ACOT9: variants seen among roughly 807,000 people sequenced by gnomAD.
ACOT9 encodes acyl-CoA thioesterase 9.
In ACOT9, 34 loss-of-function variants were observed where a neutral mutation model predicts 39.7. That is an observed-to-expected ratio of 0.86 (90% CI 0.65 to 1.14). The LOEUF (loss-of-function observed/expected upper bound fraction) is 1.14, where lower values mean the gene tolerates loss of function less well. Among genes scored for constraint, ACOT9 ranks in the 50% most tolerant of loss-of-function variants. The probability of loss-of-function intolerance (pLI) is 0.00; values close to 1 mark genes in which losing one functional copy is unlikely to be tolerated. For missense variants in ACOT9, 313 were observed against 344.1 expected (o/e 0.91, Z 0.71); for synonymous variants, 110 against 120.5 (o/e 0.91, Z 0.57).
At chrX:23,704,928 A>T in intron 14 of ACOT9, 65 bp downstream of exon 14, 1 of 1,173,052 alleles carries the variant, frequency 8.5e-7, no homozygotes, top group African/African-American at 1.8e-5. Flanking sequence ...TGGCTTTTTG[A>T]TATAGAAACT....
chrX:23,704,950 A>G (rs1262726704), intron 14 of ACOT9, 43 bp downstream of exon 14: 2 of 1,181,617 alleles, frequency 1.7e-6, no homozygotes, highest in African/African-American at 1.8e-5. Context: ...CTAGGCTCAA[A>G]TGAAAAAAAA....
rs1364297168 is a variant in ACOT9, at chrX:23,743,196, G to A, written c.-52C>T. 2 of 1,141,114 alleles carry A rather than the reference G, an allele frequency of 1.8e-6. No individual in the cohort carries two copies. Among genetic ancestry groups the A allele is most frequent in the East Asian group, 3.5e-5 (1 of 28,871 alleles). 94.0% of individuals were successfully genotyped at this position (1,141,114 alleles called of 1,213,427 possible). A position where few individuals can be genotyped will look rare whatever the true frequency, so the allele number is the denominator to read the frequency against. On this transcript the variant is annotated 5_prime_UTR_variant, in exon 1 of 16. Coordinates refer to ENST00000379303, the MANE Select transcript of ACOT9 (RefSeq NM_001037171.2). ...GAGAACCGGGCCCCGCGCGCTAGTC[G>A]GCGGAGGGAAACTGAGGCGATAAAA... is the stretch of plus-strand genomic sequence containing the variant.
chrX:23,712,317 A>T lies in ACOT9; in HGVS notation c.662+818T>A, dbSNP rs552146405. Among the ~76,000 whole-genome samples the T allele has an allele frequency of 9.6e-4, 103 of 106,977 alleles. 2 individuals carry two copies. The highest frequency in any genetic ancestry group is 3.5e-3 in the African/African-American group (101 of 29,265). 92.9% of individuals were successfully genotyped at this position (106,977 alleles called of 115,157 possible). Reference sequence around the variant, plus strand: ...TTACTCAGGAGGCTGAGGCAGGAGAATCGCTCAAACCCAGGAGGCGGAGGT... The same window carrying T: ...TTACTCAGGAGGCTGAGGCAGGAGATTCGCTCAAACCCAGGAGGCGGAGGT... On this transcript the variant is annotated intron_variant, in intron 9 of 15. Coordinates refer to ENST00000379303, the MANE Select transcript of ACOT9 (RefSeq NM_001037171.2).
intron 8 of ACOT9, among the ~76,000 whole-genome samples, chrX:23,716,793 C>A (rs1336996191): frequency 9.1e-6 from 1 of 110,483 alleles, no homozygotes; most frequent in African/African-American, 3.3e-5. Context: ...CTCAAGCGAT[C>A]CTCCCACCTC....
chrX:23,742,213 T>TGAGAGAGAGAGAGAGAGA (rs1190609377), intron 1 of ACOT9, among the ~76,000 whole-genome samples: 3 of 68,874 alleles, frequency 4.4e-5, no homozygotes, highest in Admixed American at 3.5e-4. Context: ...AGTGAGTGAG[T>TGAGAGAGAGAGAGAGAGA]GAGAGAGAGA....
chrX:23,742,659 A>G (rs952872917), intron 1 of ACOT9, among the ~76,000 whole-genome samples: 2 of 111,607 alleles, frequency 1.8e-5, no homozygotes, highest in African/African-American at 6.5e-5. Flanking sequence ...GGTACCCTGT[A>G]ATCTCTGCCA....
At chrX:23,729,694 C>T (rs903691438) in intron 6 of ACOT9, among the ~76,000 whole-genome samples, 3 of 112,036 alleles carry the variant, frequency 2.7e-5, no homozygotes, top group Admixed American at 9.5e-5. Context: ...TGCAGTGGCG[C>T]GATCTCGGCT....
chrX:23,730,955 A>G lies in ACOT9; in HGVS notation c.223T>C (p.Leu75=). Residue 75 remains leucine, a synonymous_variant, in exon 5 of 16, where the codon TTA becomes CTA. Coordinates refer to ENST00000379303, the MANE Select transcript of ACOT9 (RefSeq NM_001037171.2). ...GATTTAGCCAAGAAACTATGAAGTA[A>G]TTTCCTTTCTTCCATTGCCTTCACA... ...DHVKAMEERK[L]LHSFLAKSQD... is the part of the protein sequence containing the mutation. 1 of 1,210,103 alleles carries G rather than the reference A, an allele frequency of 8.3e-7. No individual in the cohort carries two copies. Among genetic ancestry groups the G allele is most frequent in the Non-Finnish European group, 1.1e-6 (1 of 894,855 alleles).
chrX:23,705,864 C>T lies in ACOT9; in HGVS notation c.843-6G>A. On this transcript the variant is annotated splice_polypyrimidine_tract_variant and splice_region_variant and intron_variant, in intron 11 of 15. Coordinates refer to ENST00000379303, the MANE Select transcript of ACOT9 (RefSeq NM_001037171.2). ...GACTCCGAAAACTTATAGTCCTGTA[C>T]AAATGAATATTTATTAAACCCTGTT... is the stretch of plus-strand genomic sequence containing the variant. 1 of 1,165,178 alleles carries T rather than the reference C, an allele frequency of 8.6e-7. No homozygotes were observed. Among genetic ancestry groups the T allele is most frequent in the Non-Finnish European group, 1.2e-6 (1 of 853,792 alleles).
intron 1 of ACOT9, among the ~76,000 whole-genome samples, chrX:23,737,346 A>C (rs960432222): frequency 1.8e-5 from 2 of 111,122 alleles, no homozygotes; most frequent in Non-Finnish European, 3.8e-5. Flanking sequence ...AACAAACAAA[A>C]AAAACCCAGA....
At chrX:23,738,519 T>C (rs746313830) in intron 1 of ACOT9, among the ~76,000 whole-genome samples, 12 of 110,017 alleles carry the variant, frequency 1.1e-4, no homozygotes, top group African/African-American at 3.3e-4. Context: ...TGAGGCAGAA[T>C]CACTTGAACC....
At chrX:23,731,898 G>T (rs1278385494) in intron 4 of ACOT9, among the ~76,000 whole-genome samples, 2 of 111,988 alleles carry the variant, frequency 1.8e-5, no homozygotes, top group African/African-American at 6.5e-5. Flanking sequence ...AAGACAAGGG[G>T]ATACGGAACG....
intron 7 of ACOT9, 62 bp from the exon 8 acceptor site, chrX:23,722,046 G>T: frequency 1.3e-6 from 1 of 758,795 alleles, no homozygotes. Context: ...CTGTAAATAT[G>T]AACAATTAGA....
intron 6 of ACOT9, among the ~76,000 whole-genome samples, chrX:23,727,724 C>G (rs1929585843): frequency 9.1e-6 from 1 of 109,639 alleles, no homozygotes; most frequent in Non-Finnish European, 1.9e-5. Flanking sequence ...TAGGGCCTGG[C>G]ATGGTGGCTC....
intron 10 of ACOT9, 41 bp from the exon 11 acceptor site, chrX:23,706,780 G>C (rs375391179): frequency 1.0e-5 from 8 of 792,893 alleles, no homozygotes; most frequent in Non-Finnish European, 1.5e-5. Context: ...CAGGACGGTC[G>C]CACTACAGCA....
At chrX:23,739,863 T>C (rs1930073826) in intron 1 of ACOT9, among the ~76,000 whole-genome samples, 1 of 109,880 alleles carries the variant, frequency 9.1e-6, no homozygotes, top group African/African-American at 3.3e-5. Context: ...TAGAATCAAA[T>C]GAGGAGAGAA....
At chrX:23,716,474 A>G (rs1224074949) in intron 8 of ACOT9, among the ~76,000 whole-genome samples, 1 of 111,948 alleles carries the variant, frequency 8.9e-6, no homozygotes, top group Non-Finnish European at 1.9e-5. Flanking sequence ...CAGAGTTGCA[A>G]TGCTCAACCT....
chrX:23,712,405 TAA>T (rs57718217), intron 9 of ACOT9, among the ~76,000 whole-genome samples: 25 of 72,654 alleles, frequency 3.4e-4, no homozygotes, highest in African/African-American at 1.3e-3. Context: ...AACTCCATCT[TAA>T]AAAAAAAAAA....
chrX:23,719,601 C>T (rs759225600), intron 8 of ACOT9, among the ~76,000 whole-genome samples: 22 of 110,804 alleles, frequency 2.0e-4, no homozygotes, highest in African/African-American at 5.9e-4. Context: ...GAAACTGCTC[C>T]GCCTCAGATC....
Sources: allele counts gnomAD v4.1 joint callset (sites outside exome capture counted in the v4.1 genomes callset), GRCh38; gene constraint gnomAD v4.1.1; transcripts MANE v1.5; gene names NCBI Gene and HGNC (gene_info 2026-07-23, HGNC 2026-07-21).